The following CBLB variants were observed in gnomAD, a reference collection of about 807,000 sequenced individuals.
The protein encoded by CBLB is E3 ubiquitin-protein ligase CBL-B.
Under a neutral mutation model 104.9 loss-of-function variants are expected in CBLB, and 31 were observed. That is an observed-to-expected ratio of 0.30 (90% CI 0.22 to 0.40). The LOEUF (loss-of-function observed/expected upper bound fraction) is 0.40, where lower values mean the gene tolerates loss of function less well. Ranked by LOEUF, CBLB falls within the 10% of genes least tolerant of loss-of-function variation. The pLI is 1.00. For synonymous variants in CBLB, 440 were observed against 422.6 expected (o/e 1.04, Z -0.51); for missense variants, 1,062 against 1,214.6 (o/e 0.87, Z 1.87).
intron 3 of CBLB, among the ~76,000 whole-genome samples, chr3:105,806,693 C>T (rs2083552085): frequency 6.6e-6 from 1 of 151,878 alleles, no homozygotes; most frequent in South Asian, 2.1e-4. Flanking sequence ...TGAAATACTA[C>T]CCTGCAACAG....
intron 9 of CBLB, among the ~76,000 whole-genome samples, chr3:105,731,348 G>A (rs1258304690): frequency 6.6e-6 from 1 of 152,108 alleles, no homozygotes; most frequent in Admixed American, 6.5e-5. Flanking sequence ...ACAACTTACT[G>A]TATAATGAAA....
intron 3 of CBLB, among the ~76,000 whole-genome samples, chr3:105,848,511 C>A (rs565495352): frequency 2.6e-5 from 4 of 152,006 alleles, no homozygotes; most frequent in African/African-American, 9.7e-5. Context: ...TCATCATTAA[C>A]AATCAACTAA....
intron 3 of CBLB, among the ~76,000 whole-genome samples, chr3:105,789,885 T>C (rs553441037): frequency 5.3e-5 from 8 of 152,288 alleles, no homozygotes; most frequent in African/African-American, 1.2e-4. Context: ...TAAAGATACA[T>C]ACTGATTTTT....
chr3:105,774,641 G>A lies in CBLB; in HGVS notation c.566+1755C>T, dbSNP rs1334287291. Among the ~76,000 whole-genome samples the A allele has an allele frequency of 2.0e-5, 3 of 152,062 alleles. No individual in the cohort carries two copies. The East Asian group carries it at 5.8e-4, about 29-fold the overall frequency. On this transcript the variant is annotated intron_variant, in intron 4 of 18. Coordinates refer to ENST00000394030, the MANE Select transcript of CBLB (RefSeq NM_170662.5). ...TAGTGATTTCACTCATGTAGCAGTT[G>A]AACAGAAATTTCAGCCCCTTGATGT...
chr3:105,737,314 A>G, intron 7 of CBLB, 56 bp from the exon 8 acceptor site: 1 of 866,842 alleles, frequency 1.2e-6, no homozygotes, highest in Non-Finnish European at 1.9e-6. Context: ...ATTGCATTTA[A>G]GGATATTTAA....
At position 105,703,982 on chromosome 3, in the gene CBLB, A is replaced by T; in HGVS notation, c.1593+6T>A. 6.2e-7 allele frequency: 1 copy of T among 1,613,090 alleles called. No individual in the cohort carries two copies. The highest frequency in any genetic ancestry group is 8.5e-7 in the Non-Finnish European group (1 of 1,179,020). On this transcript the variant is annotated splice_donor_region_variant and intron_variant, in intron 11 of 18. Coordinates refer to ENST00000394030, the MANE Select transcript of CBLB (RefSeq NM_170662.5). ...TTCATCTGTGTTTCTAATAAAATTGATCTACCTTTGGTGAACCCGTTGGGC... is the reference window on the plus strand; with the variant it reads ...TTCATCTGTGTTTCTAATAAAATTGTTCTACCTTTGGTGAACCCGTTGGGC...
intron 3 of CBLB, among the ~76,000 whole-genome samples, chr3:105,843,333 T>C (rs2089805984): frequency 6.6e-6 from 1 of 152,234 alleles, no homozygotes; most frequent in Admixed American, 6.5e-5. Flanking sequence ...GTGGTGTTTG[T>C]TGCCTTCTCT....
chr3:105,815,616 A>G (rs1009095114), intron 3 of CBLB, among the ~76,000 whole-genome samples: 1 of 152,346 alleles, frequency 6.6e-6, no homozygotes, highest in South Asian at 2.1e-4. Context: ...GAATTAGTTC[A>G]GCCATTGTGG....
Position 105,801,083 on chromosome 3 carries a change from T to TC in CBLB, c.420-24542dup, listed in dbSNP as rs1387476255. On this transcript the variant is annotated intron_variant, in intron 3 of 18. Coordinates refer to ENST00000394030, the MANE Select transcript of CBLB (RefSeq NM_170662.5). ...TAATGAATTCTCACAACTGTTTTTT[T>TC]CTTAATCGCTTGTGAGTTGAGCAGG... Among the ~76,000 whole-genome samples the TC allele has an allele frequency of 3.3e-5, 5 of 152,280 alleles. No individual in the cohort carries two copies. In the East Asian group the frequency reaches 9.6e-4, roughly 29 times the overall value.
At position 105,656,446 on chromosome 3, in the gene CBLB, TG is replaced by T; in HGVS notation, c.*2523del. On this transcript the variant is annotated 3_prime_UTR_variant, in exon 19 of 19. Transcript: ENST00000394030. ...TAATTTCATAGGTGATAGATAGCAA[TG>T]GGTCTTTCTTGACAGTGTTTAATAG... is the stretch of plus-strand genomic sequence containing the variant. The T allele has an allele frequency of 5.2e-6, 1 of 192,906 alleles. No homozygotes were observed. The highest frequency in any genetic ancestry group is 1.1e-5 in the Non-Finnish European group (1 of 92,492). 11.9% of individuals were successfully genotyped at this position (192,906 alleles called of 1,614,324 possible). A position where few individuals can be genotyped will look rare whatever the true frequency, so the allele number is the denominator to read the frequency against.
rs190483887 is a variant in CBLB at position 105,773,154 on chromosome 3, C to A, written c.566+3242G>T. Among the ~76,000 whole-genome samples the A allele has an allele frequency of 4.6e-5, 7 of 152,272 alleles. No individual in the cohort carries two copies. In the East Asian group the frequency reaches 1.3e-3, roughly 29 times the overall value. On this transcript the variant is annotated intron_variant, in intron 4 of 18. Coordinates refer to ENST00000394030, the MANE Select transcript of CBLB (RefSeq NM_170662.5). Reference sequence around the variant, plus strand: ...ACCAACCTAAGTGCACATAGACCAACAAGCGGATAAAGAAAACATGGCATA... The same window carrying A: ...ACCAACCTAAGTGCACATAGACCAAAAAGCGGATAAAGAAAACATGGCATA...
At position 105,659,178 on chromosome 3, in the gene CBLB, G is replaced by T. The variant is rs1471868957; in HGVS notation, c.2741C>A (p.Ala914Glu). 1 of 1,613,830 alleles carries T rather than the reference G, an allele frequency of 6.2e-7. No individual in the cohort carries two copies. The highest frequency in any genetic ancestry group is 8.5e-7 in the Non-Finnish European group (1 of 1,179,904). ...RPPKPRPRRT[A>E]PEIHHRKPHG... ...GGGTTTTCTGTGGTGAATTTCTGGT[G>T]CAGTCCTGCGCGGTCGTGGTTTAGG... Residue 914 changes from alanine to glutamate, a missense_variant, in exon 19 of 19, where the codon GCA becomes GAA. Physicochemically the swap from Ala to Glu is moderately radical, Grantham distance 107 (BLOSUM62 -1). Around this residue, in one of 2 missense-constraint regions of CBLB, gnomAD observed 605 missense variants for 582.6 expected, o/e 1.04. Coordinates refer to ENST00000394030, the MANE Select transcript of CBLB (RefSeq NM_170662.5).
rs73854361 is a variant in CBLB, at chr3:105,687,909, C to A, written c.2055-2443G>T. 4.0e-3 allele frequency among the ~76,000 whole-genome samples: 613 copies of A among 151,496 alleles called. 4 individuals carry two copies. The highest frequency in any genetic ancestry group is 0.014 in the African/African-American group (580 of 41,342). On this transcript the variant is annotated intron_variant, in intron 13 of 18. Transcript: ENST00000394030. Reference sequence around the variant, plus strand: ...GTATATAAAATAGCAAAATAAAAAACTAGAGTCATGTAACTAATTATACCA... The same window carrying A: ...GTATATAAAATAGCAAAATAAAAAAATAGAGTCATGTAACTAATTATACCA...
At chr3:105,685,966 C>A (rs993931995) in intron 13 of CBLB, among the ~76,000 whole-genome samples, 1 of 152,074 alleles carries the variant, frequency 6.6e-6, no homozygotes, top group African/African-American at 2.4e-5. Context: ...TAAAACTTAA[C>A]TATCCTGTGA....
At chr3:105,776,202 A>G (rs977894559) in intron 4 of CBLB, among the ~76,000 whole-genome samples, 194 bp downstream of exon 4, 12 of 152,228 alleles carry the variant, frequency 7.9e-5, no homozygotes, top group Non-Finnish European at 1.8e-4. Flanking sequence ...TTACTTAGTG[A>G]CTAAAAAACT....
chr3:105,845,685 G>T (rs1287977104), intron 3 of CBLB, among the ~76,000 whole-genome samples: 3 of 152,014 alleles, frequency 2.0e-5, no homozygotes, highest in Non-Finnish European at 4.4e-5. Flanking sequence ...CAAAGATTCT[G>T]CAAGCTCTCA....
At chr3:105,700,822 G>A (rs1482077466) in intron 12 of CBLB, among the ~76,000 whole-genome samples, 1 of 152,146 alleles carries the variant, frequency 6.6e-6, no homozygotes, top group African/African-American at 2.4e-5. Flanking sequence ...GTTAAATACT[G>A]TCATACAAAG....
chr3:105,869,182 C>G (rs1356284427), upstream of CBLB: 11 of 620,474 alleles, frequency 1.8e-5, no homozygotes, highest in Non-Finnish European at 3.0e-5. Flanking sequence ...TCCACGTCCT[C>G]CACAGTACAC....
At chr3:105,861,022 G>C (rs1038533466) in intron 2 of CBLB, among the ~76,000 whole-genome samples, 4 of 151,748 alleles carry the variant, frequency 2.6e-5, no homozygotes, top group Non-Finnish European at 5.9e-5. Flanking sequence ...GATAATATAA[G>C]CTCAACAATC....
Sources: gnomAD v4.1 joint callset for allele counts (sites outside exome capture counted in the v4.1 genomes callset) on GRCh38, gnomAD v4.1.1 for gene constraint, gnomAD v4.1.1 regional missense constraint, MANE v1.5 for transcripts, NCBI Gene and HGNC (gene_info 2026-07-23, HGNC 2026-07-21) for gene names.